PDXDC1: variants seen among roughly 807,000 people sequenced by gnomAD.
PDXDC1 encodes the protein pyridoxal dependent decarboxylase domain containing 1.
A neutral mutation model predicts 100.1 loss-of-function variants in PDXDC1; 42 were observed. That is an observed-to-expected ratio of 0.42 (90% confidence interval 0.33 to 0.54). PDXDC1 has a LOEUF of 0.54. Among genes scored for constraint, PDXDC1 ranks in the 20% least tolerant of loss-of-function variants. The pLI is 0.10. For missense variants in PDXDC1, 636 were observed against 979.2 expected (o/e 0.65, Z 4.68); for synonymous variants, 260 against 371.7 (o/e 0.70, Z 3.46).
At position 15,038,216 on chromosome 16, in the gene PDXDC1, AAC is replaced by A. The variant is rs1227330109; in HGVS notation, c.*1945_*1946del. 9.9e-6 allele frequency: 16 copies of A among 1,611,078 alleles called. No homozygotes were observed. Among genetic ancestry groups the A allele is most frequent in the African/African-American group, 1.3e-5 (1 of 74,876 alleles). Reference sequence around the variant, plus strand: ...AGAGGCGAAGTGGAAAGATTCTGAAAACACAAGATGGTGGGCATTAGAGAAGC... The same window carrying A: ...AGAGGCGAAGTGGAAAGATTCTGAAAACAAGATGGTGGGCATTAGAGAAGC... On this transcript the variant is annotated 3_prime_UTR_variant, in exon 23 of 23. Coordinates refer to ENST00000396410, the MANE Select transcript of PDXDC1 (RefSeq NM_015027.4).
At chr16:15,119,727 TTTTG>T (rs1467780730) in intron 16 of PDXDC1, among the ~76,000 whole-genome samples, 2 of 128,432 alleles carry the variant, frequency 1.6e-5, no homozygotes, top group African/African-American at 2.9e-5. Flanking sequence ...TTTTTTTTCT[TTTTG>T]TTTGTTGTTT....
chr16:15,035,881 A>G, intron 22 of PDXDC1, 135 bp from the exon 23 acceptor site: 2 of 966,088 alleles, frequency 2.1e-6, no homozygotes, highest in East Asian at 2.4e-5. Context: ...CTCATCTCCT[A>G]AAACACCTCA....
At chr16:15,090,831 GA>G (rs1598012458) in intron 16 of PDXDC1, among the ~76,000 whole-genome samples, 1 of 150,490 alleles carries the variant, frequency 6.6e-6, no homozygotes, top group Admixed American at 6.6e-5. Flanking sequence ...TTTACTACAT[GA>G]TAGGTGTATC....
intron 5 of PDXDC1, among the ~76,000 whole-genome samples, chr16:15,005,527 T>G (rs1162500264): frequency 6.6e-6 from 1 of 152,270 alleles, no homozygotes; most frequent in Non-Finnish European, 1.5e-5. Flanking sequence ...GACCCTGACT[T>G]TCAGTGTTGG....
intron 16 of PDXDC1, among the ~76,000 whole-genome samples, chr16:15,071,584 A>G (rs2045231235): frequency 6.6e-6 from 1 of 152,206 alleles, no homozygotes; most frequent in South Asian, 2.1e-4. Context: ...CCTGGCCAAC[A>G]TGGAGAAACC....
chr16:15,134,975 G>A (rs1021178997), intron 16 of PDXDC1: 18 of 410,038 alleles, frequency 4.4e-5, no homozygotes, highest in Non-Finnish European at 7.0e-5. Context: ...CCAGCAACAG[G>A]GACATGGGCT....
intron 16 of PDXDC1, among the ~76,000 whole-genome samples, chr16:15,097,236 C>G (rs2151840107): frequency 6.6e-6 from 1 of 151,480 alleles, no homozygotes; most frequent in East Asian, 1.9e-4. Flanking sequence ...CCACGACACT[C>G]TCTGGCCTGG....
intron 16 of PDXDC1, chr16:15,047,151 G>A (rs1324312461): frequency 4.0e-5 from 18 of 447,894 alleles, no homozygotes; most frequent in South Asian, 3.9e-4. Context: ...ACCCGGGGGA[G>A]AGCAAAACGA....
intron 16 of PDXDC1, among the ~76,000 whole-genome samples, chr16:15,080,923 G>A (rs536124009): frequency 2.3e-4 from 35 of 151,878 alleles, no homozygotes; most frequent in African/African-American, 8.0e-4. Context: ...TATCAATGGA[G>A]TCATACACAG....
intron 8 of PDXDC1, among the ~76,000 whole-genome samples, chr16:15,011,623 ATTTTTTTCTTTTTTT>A (rs2041270663): frequency 1.0e-5 from 1 of 97,994 alleles, no homozygotes; most frequent in Admixed American, 9.4e-5. Flanking sequence ...TTTGCAAAAC[ATTTTTTTCTTTTTTT>A]TTTTTTTTTT....
chr16:15,127,951 C>T, intron 16 of PDXDC1: 2 of 1,512,806 alleles, frequency 1.3e-6, no homozygotes, highest in East Asian at 2.3e-5. Context: ...GACCACCCTG[C>T]CCAACCTCCC....
chr16:15,130,800 G>C, intron 16 of PDXDC1: 2 of 948,462 alleles, frequency 2.1e-6, no homozygotes, highest in South Asian at 1.3e-5. Flanking sequence ...GCCTGGGGCA[G>C]AACGCGCAGG....
intron 5 of PDXDC1, among the ~76,000 whole-genome samples, chr16:15,005,690 C>G (rs1337184172): frequency 3.3e-5 from 5 of 152,284 alleles, no homozygotes; most frequent in Non-Finnish European, 7.3e-5. Flanking sequence ...AAACCAAAAG[C>G]TAGCCTGACT....
chr16:14,982,420 C>T (rs527673250), intron 1 of PDXDC1, among the ~76,000 whole-genome samples: 54 of 152,354 alleles, frequency 3.5e-4, no homozygotes, highest in Non-Finnish European at 5.1e-4. Context: ...GTCAGGAGTT[C>T]GAGACCAGCC....
rs774193274 is a variant in PDXDC1 at position 15,061,704 on chromosome 16, G to A, written c.1399+31648G>A. The A allele has an allele frequency of 1.6e-5, 26 of 1,583,344 alleles. 1 individual carries two copies. Among genetic ancestry groups the A allele is most frequent in the South Asian group, 2.2e-5 (2 of 89,538 alleles). On this transcript the variant is annotated intron_variant, in intron 16 of 16. Coordinates refer to the PDXDC1 transcript ENST00000535621. ...GTGCTGAGGGCATGACAAGTGATGG[G>A]GAATCCCAAATGTCACATCTCAGTC...
In PDXDC1 at chr16:15,065,291, C is replaced by T. The variant is rs1372872668; in HGVS notation, c.1399+35235C>T. The T allele has an allele frequency of 2.5e-6, 4 of 1,613,742 alleles. No individual in the cohort carries two copies. The African/African-American group carries it at 5.3e-5, about 22-fold the overall frequency. ...TGTGCAGATCTGCACTGAGTCTCCT[C>T]CAGCGGTACTCCTAATGACTGGCAG... is the stretch of plus-strand genomic sequence containing the variant. On this transcript the variant is annotated intron_variant, in intron 16 of 16. Transcript: ENST00000535621.
At chr16:15,125,057 C>A (rs1326558990) in intron 16 of PDXDC1, among the ~76,000 whole-genome samples, 2 of 135,212 alleles carry the variant, frequency 1.5e-5, no homozygotes, top group African/African-American at 5.6e-5. Context: ...TGAGGCAGGA[C>A]AATCCCTTGA....
chr16:15,139,978 T>C (rs1279584757), downstream of PDXDC1, among the ~76,000 whole-genome samples: 1 of 149,824 alleles, frequency 6.7e-6, no homozygotes, highest in East Asian at 2.0e-4. Context: ...AGCCTGTTAG[T>C]GCCAGCCACT....
downstream of PDXDC1, chr16:15,041,725 C>T: frequency 7.4e-7 from 1 of 1,352,434 alleles, no homozygotes; most frequent in African/African-American, 1.4e-5. Flanking sequence ...CCTCTAGTTA[C>T]CAGAACAAAC....
Sources: allele counts gnomAD v4.1 joint callset (sites outside exome capture counted in the v4.1 genomes callset), GRCh38; gene constraint gnomAD v4.1.1; transcripts MANE v1.5; gene names NCBI Gene and HGNC (gene_info 2026-07-23, HGNC 2026-07-21).